Variants in OXR1 observed in about 807,000 individuals in gnomAD.
The protein encoded by OXR1 is oxidation resistance 1, also known as oxidation resistance protein 1.
A neutral mutation model predicts 104.6 loss-of-function variants in OXR1; 41 were observed. The ratio of observed to expected loss-of-function variants is 0.39; its 90% CI spans 0.31 to 0.51. The LOEUF (loss-of-function observed/expected upper bound fraction) is 0.51. OXR1 is among the 20% of genes least tolerant of loss of function. The probability of loss-of-function intolerance (pLI) is 0.77; values close to 1 mark genes in which losing one functional copy is unlikely to be tolerated. For missense variants in OXR1, 955 were observed against 1,031.9 expected (o/e 0.93, Z 1.02); for synonymous variants, 348 against 348.4 (o/e 1.00, Z 0.01).
At chr8:106,549,322 G>A (rs921432776) in intron 3 of OXR1, among the ~76,000 whole-genome samples, 2 of 150,290 alleles carry the variant, frequency 1.3e-5, no homozygotes, top group South Asian at 2.1e-4. Context: ...TGGCTACTTC[G>A]TTTATTACTA....
At chr8:106,735,912 A>AC (rs1834323917) in intron 11 of OXR1, among the ~76,000 whole-genome samples, 1 of 152,200 alleles carries the variant, frequency 6.6e-6, no homozygotes, top group Non-Finnish European at 1.5e-5. Context: ...TCATTCAAAA[A>AC]TAAAAACCAA....
At chr8:106,456,588 G>A (rs770111091) in intron 2 of OXR1, among the ~76,000 whole-genome samples, 3 of 152,156 alleles carry the variant, frequency 2.0e-5, no homozygotes, top group Non-Finnish European at 4.4e-5. Flanking sequence ...CTATCTTGAT[G>A]AGCAACTATT....
chr8:106,335,044 GCACA>G lies in OXR1; in HGVS notation c.-138-24423_-138-24420del, dbSNP rs1413907217. On this transcript the variant is annotated intron_variant, in intron 1 of 16. Transcript: ENST00000517566. ...TACATTGACACACACACACACAAATGCACACACACACATCCTTACTCCTTTAACC... is the reference window on the plus strand; with the variant it reads ...TACATTGACACACACACACACAAATGCACACACATCCTTACTCCTTTAACC... Among the ~76,000 whole-genome samples the G allele has an allele frequency of 2.8e-4, 40 of 141,952 alleles. No individual in the cohort carries two copies. In the South Asian group the frequency reaches 8.4e-3, roughly 30 times the overall value. 93.1% of individuals were successfully genotyped at this position (141,952 alleles called of 152,430 possible).
intron 8 of OXR1, among the ~76,000 whole-genome samples, chr8:106,705,304 A>G (rs1831038576): frequency 6.6e-6 from 1 of 152,152 alleles, no homozygotes; most frequent in Admixed American, 6.5e-5. Flanking sequence ...TTTTTTTAAG[A>G]TGAATCAGAT....
At chr8:106,711,608 G>T (rs1831698343) in intron 10 of OXR1, among the ~76,000 whole-genome samples, 1 of 152,076 alleles carries the variant, frequency 6.6e-6, no homozygotes, top group African/African-American at 2.4e-5. Flanking sequence ...AAGGGTTTAA[G>T]GTTTTAGGCT....
intron 2 of OXR1, among the ~76,000 whole-genome samples, chr8:106,454,426 A>G (rs923733206): frequency 1.3e-5 from 2 of 150,106 alleles, no homozygotes; most frequent in African/African-American, 4.9e-5. Context: ...GCGCCACTGC[A>G]CTCCAGCCTG....
At chr8:106,421,429 T>A (rs1202365130) in intron 2 of OXR1, among the ~76,000 whole-genome samples, 1 of 152,188 alleles carries the variant, frequency 6.6e-6, no homozygotes, top group Non-Finnish European at 1.5e-5. Context: ...GTCTATAGGT[T>A]GGCTGCCGGT....
At chr8:106,707,273 ATT>A (rs1831237864) in intron 9 of OXR1, 128 bp downstream of exon 9, 3 of 776,714 alleles carry the variant, frequency 3.9e-6, no homozygotes, top group Non-Finnish European at 6.7e-6. Flanking sequence ...TTGACCGGTG[ATT>A]CTCTGGGGAC....
At position 106,695,417 on chromosome 8, in the gene OXR1, C is replaced by CT. The variant is rs1183000652; in HGVS notation, c.675+2554dup. Among the ~76,000 whole-genome samples, 309 of 141,426 alleles carry CT rather than the reference C, an allele frequency of 2.2e-3. 2 individuals are homozygous for CT. Among genetic ancestry groups the CT allele is most frequent in the Admixed American group, 3.8e-3 (54 of 14,034 alleles). The allele number at this position is 141,426 out of a possible 152,430, so 92.8% of individuals were successfully genotyped here. On this transcript the variant is annotated intron_variant, in intron 7 of 16. Transcript: ENST00000517566. ...TTACTATCATGTTTATGTATATTTT[C>CT]TTTTTTTTTTTTTTCTCCGAGACAG...
At chr8:106,623,593 T>A (rs1003263531) in intron 3 of OXR1, among the ~76,000 whole-genome samples, 13 of 152,002 alleles carry the variant, frequency 8.6e-5, no homozygotes, top group African/African-American at 3.1e-4. Flanking sequence ...AAGTGGGGCC[T>A]GGTAGAGTAA....
At chr8:106,274,118 C>G (rs1372981582) in intron 1 of OXR1, among the ~76,000 whole-genome samples, 1 of 152,162 alleles carries the variant, frequency 6.6e-6, no homozygotes, top group Admixed American at 6.5e-5. Context: ...TTATAGGTAT[C>G]TACATAGAAA....
chr8:106,697,342 T>C (rs1292527755), intron 7 of OXR1: 19 of 1,028,186 alleles, frequency 1.8e-5, no homozygotes, highest in Non-Finnish European at 2.7e-5. Flanking sequence ...TCTGGGGCTC[T>C]CTGGGAATGT....
At chr8:106,519,277 T>G in intron 3 of OXR1, 138 bp downstream of exon 3, 2 of 647,294 alleles carry the variant, frequency 3.1e-6, no homozygotes, top group Non-Finnish European at 5.4e-6. Flanking sequence ...GGACATTTTC[T>G]TATGTGGTCT....
At chr8:106,286,238 TCAAAA>T (rs771794727) in intron 1 of OXR1, among the ~76,000 whole-genome samples, 4 of 151,944 alleles carry the variant, frequency 2.6e-5, no homozygotes, top group Non-Finnish European at 5.9e-5. Context: ...GAGAAATTAG[TCAAAA>T]CAAAACAAAA....
chr8:106,525,715 CT>C (rs1372236659), intron 3 of OXR1, among the ~76,000 whole-genome samples: 2 of 152,194 alleles, frequency 1.3e-5, no homozygotes, highest in African/African-American at 4.8e-5. Flanking sequence ...ACCTCTGGAA[CT>C]TTCCTTCAGT....
chr8:106,576,975 C>G (rs994926457), intron 3 of OXR1, among the ~76,000 whole-genome samples: 4 of 151,854 alleles, frequency 2.6e-5, no homozygotes, highest in Non-Finnish European at 5.9e-5. Context: ...TTTTTTGTTT[C>G]TATTTTGTAG....
chr8:106,419,618 C>T (rs1373081367), intron 2 of OXR1, among the ~76,000 whole-genome samples: 1 of 152,126 alleles, frequency 6.6e-6, no homozygotes, highest in Non-Finnish European at 1.5e-5. Flanking sequence ...TTAGAGCCTA[C>T]CAAAGTCCCC....
chr8:106,577,378 CTTTTTTTTTTTTTT>C (rs5893798), intron 3 of OXR1, among the ~76,000 whole-genome samples: 4 of 43,604 alleles, frequency 9.2e-5, no homozygotes, highest in Admixed American at 4.3e-4. Context: ...GCCCAGCTAA[CTTTTTTTTTTTTTT>C]TTTTTTTTTT....
chr8:106,356,334 C>T (rs1004569760), intron 1 of OXR1, among the ~76,000 whole-genome samples: 1 of 152,058 alleles, frequency 6.6e-6, no homozygotes, highest in Non-Finnish European at 1.5e-5. Context: ...AGTAAATACC[C>T]TAAGGAAAAG....
Sources: gnomAD v4.1 joint callset for allele counts (sites outside exome capture counted in the v4.1 genomes callset) on GRCh38, gnomAD v4.1.1 for gene constraint, MANE v1.5 for transcripts, NCBI Gene and HGNC (gene_info 2026-07-23, HGNC 2026-07-21) for gene names.